LMNA: variants seen among roughly 807,000 people sequenced by gnomAD.
LMNA encodes the protein lamin.
A neutral mutation model predicts 70.4 loss-of-function variants in LMNA; 20 were observed. The observed-to-expected ratio is 0.28, with a 90% CI of 0.20 to 0.41. The LOEUF is 0.41. Among genes scored for constraint, LMNA ranks in the 10% least tolerant of loss-of-function variants. The pLI is 1.00. For synonymous variants in LMNA, 339 were observed against 372.8 expected (o/e 0.91, Z 1.04); for missense variants, 652 against 917.2 (o/e 0.71, Z 3.73).
chr1:156,118,404 G>C (rs753188723), intron 1 of LMNA, among the ~76,000 whole-genome samples: 34 of 152,184 alleles, frequency 2.2e-4, no homozygotes, highest in Non-Finnish European at 4.6e-4. Context: ...ACACCAGGCG[G>C]GTATGTGCGC....
intron 3 of LMNA, among the ~76,000 whole-genome samples, chr1:156,104,893 C>T (rs1449969348): frequency 6.6e-6 from 1 of 152,230 alleles, no homozygotes; most frequent in Non-Finnish European, 1.5e-5. Context: ...ATCAGGAAGC[C>T]AGCACCATTT....
chr1:156,127,016 C>A, intron 1 of LMNA: 1 of 1,188,032 alleles, frequency 8.4e-7, no homozygotes, highest in Non-Finnish European at 1.2e-6. Flanking sequence ...CTCCTCTGGC[C>A]TGCCCCACCC....
Position 156,135,771 on chromosome 1 carries a change from A to G in LMNA, c.937-130A>G. 2.6e-6 allele frequency: 2 copies of G among 756,788 alleles called. No homozygotes were observed. 46.9% of individuals were successfully genotyped at this position (756,788 alleles called of 1,614,324 possible). ...GTGATGTTCAGAGCTGGCTCTGATG[A>G]GGGCTCTGGGGAAGCTCTGATTGCA... On this transcript the variant is annotated intron_variant, in intron 5 of 11. Transcript: ENST00000368300. The surrounding 1 kb of genome is among the most constrained non-coding windows in gnomAD (Gnocchi z 4.8).
At chr1:156,123,793 G>GC (rs1650361143) in intron 1 of LMNA, among the ~76,000 whole-genome samples, 1 of 152,198 alleles carries the variant, frequency 6.6e-6, no homozygotes, top group East Asian at 1.9e-4. Flanking sequence ...CAGTGCCCTG[G>GC]CCTCCGGCCT....
chr1:156,131,872 T>C (rs1395890426), intron 2 of LMNA, among the ~76,000 whole-genome samples: 1 of 152,212 alleles, frequency 6.6e-6, no homozygotes, highest in Admixed American at 6.5e-5. Context: ...TTTATCATGT[T>C]AAAAGCTAGG....
intron 1 of LMNA, among the ~76,000 whole-genome samples, chr1:156,130,170 C>T (rs1191217192): frequency 2.0e-5 from 3 of 152,126 alleles, no homozygotes; most frequent in African/African-American, 7.2e-5. Context: ...ACATGTGGGC[C>T]ATGAGCTTAG....
intron 1 of LMNA, among the ~76,000 whole-genome samples, chr1:156,127,661 G>C (rs895628344): frequency 1.3e-5 from 2 of 149,776 alleles, no homozygotes; most frequent in African/African-American, 4.9e-5. Context: ...TGGGACTACA[G>C]GTGCACACCA....
At position 156,138,046 on chromosome 1, in the gene LMNA, C is replaced by T. The variant is rs559942674; in HGVS notation, c.1698+303C>T. The stretch of plus-strand genomic sequence containing the variant: ...TCTGGGAAAGGGAGGGGAGGACAGA[C>T]GTGGGGCATGCCCGCCCTGCCTCTC... On this transcript the variant is annotated intron_variant, in intron 10 of 11. Transcript: ENST00000368300. The surrounding 1 kb of genome is among the most constrained non-coding windows in gnomAD (Gnocchi z 5.5). 43 of 570,472 alleles carry T rather than the reference C, an allele frequency of 7.5e-5. No individual in the cohort carries two copies. In the Admixed American group the frequency reaches 8.1e-4, roughly 11 times the overall value. The allele number at this position is 570,472 out of a possible 1,614,324, so 35.3% of individuals were successfully genotyped here. A position where few individuals can be genotyped will look rare whatever the true frequency, so the allele number is the denominator to read the frequency against.
At position 156,136,786 on chromosome 1, in the gene LMNA, G is replaced by T. The variant is rs1159128601; in HGVS notation, c.1381-135G>T. ...CATGGCTATTATCCCCGGGGGAAGG[G>T]CAGTGACAGGGGTGTGTGTAGATGG... On this transcript the variant is annotated intron_variant, in intron 7 of 11. Transcript: ENST00000368300. The surrounding 1 kb of genome is among the most constrained non-coding windows in gnomAD (Gnocchi z 6.1). 1 of 762,566 alleles carries T rather than the reference G, an allele frequency of 1.3e-6. No individual in the cohort carries two copies. Among genetic ancestry groups the T allele is most frequent in the African/African-American group, 1.7e-5 (1 of 58,208 alleles). 47.2% of individuals were successfully genotyped at this position (762,566 alleles called of 1,614,324 possible).
At chr1:156,128,698 G>A (rs1254277370) in intron 1 of LMNA, among the ~76,000 whole-genome samples, 2 of 152,200 alleles carry the variant, frequency 1.3e-5, no homozygotes, top group East Asian at 3.9e-4. Context: ...AATTGACACT[G>A]GGCCATTCAC....
rs775835223 is a variant in LMNA at position 156,138,601 on chromosome 1, A to G, written c.1812A>G (p.Gly604=). ...PADKASASGS[G]AQVGGPISSG... ...ACAAGGCATCTGCCAGCGGCTCAGG[A>G]GCCCAGGTGGGCGGACCCATCTCCT... Residue 604 remains glycine, a synonymous_variant, in exon 11 of 12, where the codon GGA becomes GGG. Coordinates refer to ENST00000368300, the MANE Select transcript of LMNA (RefSeq NM_170707.4). This position sits in a 1 kb window ranked among gnomAD's most constrained non-coding sequence, Gnocchi z 5.5. 1.2e-6 allele frequency: 2 copies of G among 1,613,014 alleles called. No homozygotes were observed. Among genetic ancestry groups the G allele is most frequent in the Non-Finnish European group, 1.7e-6 (2 of 1,179,852 alleles).
upstream of LMNA, among the ~76,000 whole-genome samples, chr1:156,109,970 C>T (rs1426806683): frequency 6.6e-6 from 1 of 151,964 alleles, no homozygotes; most frequent in African/African-American, 2.4e-5. Context: ...ATCTTAGCCT[C>T]CTGGGTAGCT....
chr1:156,108,705 G>A (rs1649435555), intron 3 of LMNA, among the ~76,000 whole-genome samples: 1 of 152,014 alleles, frequency 6.6e-6, no homozygotes, highest in African/African-American at 2.4e-5. Context: ...GGTGCAGGTT[G>A]CAGTGAGCTG....
intron 3 of LMNA, among the ~76,000 whole-genome samples, chr1:156,091,934 T>C (rs1299542026): frequency 6.6e-6 from 1 of 152,010 alleles, no homozygotes; most frequent in Non-Finnish European, 1.5e-5. Flanking sequence ...TTTTTTTTTT[T>C]GAGATGGAGT....
chr1:156,098,281 C>G (rs1464372075), intron 3 of LMNA, among the ~76,000 whole-genome samples: 1 of 152,144 alleles, frequency 6.6e-6, no homozygotes, highest in Non-Finnish European at 1.5e-5. Context: ...AGAAGGGGAG[C>G]AATTTTTCTG....
At chr1:156,091,109 CTGGG>C (rs1648681020) in intron 3 of LMNA, 1 of 152,270 alleles carries the variant, frequency 6.6e-6, no homozygotes, top group Non-Finnish European at 1.5e-5. Context: ...TAGCTGAGAC[CTGGG>C]AATCCCCGTG....
chr1:156,108,285 C>A (rs1420055554), intron 3 of LMNA, among the ~76,000 whole-genome samples: 1 of 152,066 alleles, frequency 6.6e-6, no homozygotes, highest in East Asian at 1.9e-4. Context: ...ACCCTGTAGT[C>A]AAAGGATGAA....
At position 156,130,758 on chromosome 1, in the gene LMNA, G is replaced by A. The variant is rs886043189; in HGVS notation, c.498G>A (p.Arg166=). 1 of 1,589,462 alleles carries A rather than the reference G, an allele frequency of 6.3e-7. No homozygotes were observed. The highest frequency in any genetic ancestry group is 1.3e-5 in the African/African-American group (1 of 74,272). The change falls in exon 2 of 12, where the codon CGG becomes CGA. Residue 166 remains arginine (R), a synonymous_variant. Transcript: ENST00000368300. ...TGGAGGGCGAGCTGCATGATCTGCG[G>A]GGCCAGGTGGCCAAGGTGAGGCCAC... ...RTLEGELHDL[R]GQVAKLEAAL...
intron 1 of LMNA, chr1:156,129,726 A>G (rs1240315491): frequency 2.6e-5 from 17 of 649,696 alleles, no homozygotes; most frequent in Non-Finnish European, 3.7e-5. Context: ...TCTCCAGTCC[A>G]CTAGCAAAAA....
Sources: gnomAD v4.1 joint callset for allele counts (sites outside exome capture counted in the v4.1 genomes callset) on GRCh38, gnomAD v4.1.1 for gene constraint, Gnocchi (gnomAD v3.1) non-coding constraint, MANE v1.5 for transcripts, NCBI Gene and HGNC (gene_info 2026-07-23, HGNC 2026-07-21) for gene names.